GRM8: variants seen among roughly 807,000 people sequenced by gnomAD.
GRM8 encodes metabotropic glutamate receptor 8.
Under a neutral mutation model 87.2 loss-of-function variants are expected in GRM8, and 47 were observed. That is an observed-to-expected ratio of 0.54 (90% CI 0.43 to 0.69). The LOEUF (loss-of-function observed/expected upper bound fraction) is 0.69, where lower values mean the gene tolerates loss of function less well. GRM8 is among the 30% of genes least tolerant of loss of function. The pLI, the probability that GRM8 is intolerant of heterozygous loss-of-function variation, is 0.00. For missense variants in GRM8, 1,019 were observed against 1,139.2 expected, an observed-to-expected ratio of 0.89 and a Z score of 1.52; for synonymous variants, 396 against 404.5, an observed-to-expected ratio of 0.98 and a Z score of 0.25.
intron 9 of GRM8, among the ~76,000 whole-genome samples, chr7:126,467,138 T>C (rs1194923437): frequency 2.0e-5 from 3 of 151,696 alleles, no homozygotes; most frequent in African/African-American, 7.3e-5. Flanking sequence ...ATGCTATCCC[T>C]CTCCTAGCCC....
intron 2 of GRM8, among the ~76,000 whole-genome samples, chr7:127,167,184 C>CTT (rs1793506698): frequency 2.6e-5 from 4 of 152,100 alleles, no homozygotes; most frequent in Non-Finnish European, 4.4e-5. Context: ...ACATAACAAA[C>CTT]ACTTTATACA....
intron 7 of GRM8, among the ~76,000 whole-genome samples, chr7:126,741,183 C>T (rs1814934627): frequency 6.6e-6 from 1 of 152,002 alleles, no homozygotes; most frequent in South Asian, 2.1e-4. Flanking sequence ...AAATAGATTA[C>T]TGGCAGTACT....
chr7:127,007,807 G>A (rs1814464361), intron 3 of GRM8, among the ~76,000 whole-genome samples: 1 of 152,010 alleles, frequency 6.6e-6, no homozygotes, highest in South Asian at 2.1e-4. Context: ...TCAGAAGTCA[G>A]AGATGCCCCA....
intron 6 of GRM8, among the ~76,000 whole-genome samples, chr7:126,813,857 T>A (rs573560070): frequency 6.6e-6 from 1 of 152,212 alleles, no homozygotes; most frequent in African/African-American, 2.4e-5. Flanking sequence ...CCAAGGCTCA[T>A]GTTTTATGGG....
intron 6 of GRM8, among the ~76,000 whole-genome samples, chr7:126,812,507 G>T (rs1024517235): frequency 6.6e-6 from 1 of 151,986 alleles, no homozygotes. Flanking sequence ...TAATCTTAGG[G>T]TATCACTGTT....
chr7:126,613,953 G>A (rs530950390), intron 7 of GRM8, among the ~76,000 whole-genome samples: 3 of 152,310 alleles, frequency 2.0e-5, no homozygotes, highest in African/African-American at 7.2e-5. Context: ...ACCTCTGGGG[G>A]CAGGGCATAG....
At chr7:126,608,890 A>G (rs1159555194) in intron 8 of GRM8, among the ~76,000 whole-genome samples, 5 of 151,854 alleles carry the variant, frequency 3.3e-5, no homozygotes, top group Admixed American at 6.6e-5. Context: ...CAGCCTCCCA[A>G]ATAGCTGGGA....
At chr7:126,952,688 G>A (rs1157287740) in intron 3 of GRM8, among the ~76,000 whole-genome samples, 1 of 151,946 alleles carries the variant, frequency 6.6e-6, no homozygotes, top group African/African-American at 2.4e-5. Flanking sequence ...TGGAATTCTT[G>A]CCAAAAACAC....
At chr7:126,526,456 T>C (rs10269872) in intron 9 of GRM8, among the ~76,000 whole-genome samples, 2,265 of 152,286 alleles carry the variant, frequency 0.015, 49 homozygotes, top group African/African-American at 0.048. Flanking sequence ...AGTGGTCTAG[T>C]TGCATAAATT....
chr7:126,503,641 T>C (rs565343495), intron 9 of GRM8, among the ~76,000 whole-genome samples: 4 of 152,210 alleles, frequency 2.6e-5, no homozygotes, highest in African/African-American at 7.2e-5. Flanking sequence ...ATATGCATTA[T>C]ATAGTAAAAT....
chr7:126,615,484 A>C (rs1799381362), intron 7 of GRM8, among the ~76,000 whole-genome samples: 1 of 152,238 alleles, frequency 6.6e-6, no homozygotes, highest in African/African-American at 2.4e-5. Context: ...CAAAATAACC[A>C]GCTAACATCA....
intron 3 of GRM8, among the ~76,000 whole-genome samples, chr7:127,023,878 A>G (rs1816512495): frequency 6.6e-6 from 1 of 152,120 alleles, no homozygotes. Context: ...AAATTTCTAA[A>G]TATTAAAAGC....
chr7:127,150,450 C>T (rs552340510), intron 2 of GRM8, among the ~76,000 whole-genome samples: 3 of 152,206 alleles, frequency 2.0e-5, no homozygotes, highest in African/African-American at 7.2e-5. Flanking sequence ...AGGCATCAGG[C>T]TGTCCAAAGT....
intron 2 of GRM8, among the ~76,000 whole-genome samples, chr7:127,163,918 C>T (rs998682872): frequency 3.3e-5 from 5 of 152,090 alleles, no homozygotes; most frequent in South Asian, 2.1e-4. Context: ...GAGGAATGAG[C>T]AGAGAATATC....
At chr7:126,497,427 T>C (rs1327976127) in intron 9 of GRM8, among the ~76,000 whole-genome samples, 1 of 151,944 alleles carries the variant, frequency 6.6e-6, no homozygotes, top group Non-Finnish European at 1.5e-5. Context: ...ACATCTAACT[T>C]GGCATTTTAA....
In GRM8 at chr7:127,171,314, A is replaced by C. The variant is rs140643898; in HGVS notation, c.511-64602T>G. On this transcript the variant is annotated intron_variant, in intron 2 of 10. Transcript: ENST00000339582. ...CTGTGATCATTATTGAAATGACAAC[A>C]AAGGATTTAGAAAATGACATAAACT... 4.9e-4 allele frequency among the ~76,000 whole-genome samples: 75 copies of C among 152,364 alleles called. No individual in the cohort carries two copies. The East Asian group carries it at 0.013, about 25-fold the overall frequency.
At chr7:127,175,232 T>C (rs1794033061) in intron 2 of GRM8, among the ~76,000 whole-genome samples, 1 of 152,140 alleles carries the variant, frequency 6.6e-6, no homozygotes, top group African/African-American at 2.4e-5. Context: ...GAACTGAATA[T>C]GCCTTTTATG....
intron 2 of GRM8, among the ~76,000 whole-genome samples, chr7:127,172,398 G>C (rs1055258765): frequency 6.6e-6 from 1 of 151,604 alleles, no homozygotes; most frequent in Non-Finnish European, 1.5e-5. Context: ...TATATATGAA[G>C]TCCAGTAAAA....
At chr7:126,760,171 G>A (rs1817447306) in intron 7 of GRM8, among the ~76,000 whole-genome samples, 1 of 152,000 alleles carries the variant, frequency 6.6e-6, no homozygotes, top group Admixed American at 6.6e-5. Flanking sequence ...CCTCTCTCCA[G>A]GATTTATCAT....
Sources: gnomAD v4.1 joint callset for allele counts (sites outside exome capture counted in the v4.1 genomes callset) on GRCh38, gnomAD v4.1.1 for gene constraint, MANE v1.5 for transcripts, NCBI Gene and HGNC (gene_info 2026-07-23, HGNC 2026-07-21) for gene names.